PRKAG2: variants seen among roughly 807,000 people sequenced by gnomAD.
PRKAG2 encodes the protein protein kinase AMP-activated non-catalytic subunit gamma 2, also known as 5'-AMP-activated protein kinase subunit gamma-2.
PRKAG2 carries 26 observed loss-of-function variants against 69.6 expected under a neutral mutation model. That is an observed-to-expected ratio of 0.37 (90% CI 0.27 to 0.52). The LOEUF (loss-of-function observed/expected upper bound fraction) is 0.52. PRKAG2 is among the 20% of genes least tolerant of loss of function. PRKAG2 has a pLI of 0.90. For synonymous variants in PRKAG2, 293 were observed against 285.0 expected (o/e 1.03, Z -0.28); for missense variants, 557 against 740.0 (o/e 0.75, Z 2.87).
rs993536801 is a variant in PRKAG2 at position 151,818,212 on chromosome 7, A to G, written c.115-31671T>C. Among the ~76,000 whole-genome samples the G allele has an allele frequency of 2.0e-5, 3 of 152,204 alleles. No homozygotes were observed. In the South Asian group the frequency reaches 6.2e-4, roughly 31 times the overall value. On this transcript the variant is annotated intron_variant, in intron 1 of 15. Transcript: ENST00000287878. ...ATGGCAAATGTGACAGGAAAATCTCAAATGATGCATGGTACTGCCTGAGCT... is the reference window on the plus strand; with the variant it reads ...ATGGCAAATGTGACAGGAAAATCTCGAATGATGCATGGTACTGCCTGAGCT...
intron 3 of PRKAG2, among the ~76,000 whole-genome samples, chr7:151,680,068 C>T (rs1314423435): frequency 6.6e-6 from 1 of 152,152 alleles, no homozygotes; most frequent in Non-Finnish European, 1.5e-5. Flanking sequence ...CACAACACAA[C>T]AAAATGAGCC....
intron 3 of PRKAG2, among the ~76,000 whole-genome samples, chr7:151,706,809 C>T (rs545011882): frequency 1.3e-5 from 2 of 152,374 alleles, no homozygotes; most frequent in South Asian, 4.1e-4. Context: ...TTCTGCTTCT[C>T]CAACCTGAGC....
chr7:151,669,988 TTGCA>T (rs1303083356), intron 4 of PRKAG2, among the ~76,000 whole-genome samples: 1 of 24,706 alleles, frequency 4.0e-5, no homozygotes, highest in East Asian at 1.4e-3. Context: ...GCACACACAC[TTGCA>T]TGCATACACA....
Position 151,574,878 on chromosome 7 carries a change from T to G in PRKAG2, c.1005+13A>C, listed in dbSNP as rs770683071. On this transcript the variant is annotated intron_variant, in intron 8 of 15. Coordinates refer to ENST00000287878, the MANE Select transcript of PRKAG2 (RefSeq NM_016203.4). ...CAGCTCCAACTACTGACATAGGAAC[T>G]GGTGCCACTTACCATAGGTGATTTA... 6.2e-7 allele frequency: 1 copy of G among 1,613,646 alleles called. No homozygotes were observed. The highest frequency in any genetic ancestry group is 1.3e-5 in the African/African-American group (1 of 75,050).
rs990521653 is a variant in PRKAG2, at chr7:151,807,549, C to G, written c.115-21008G>C. The G allele has an allele frequency of 2.2e-6, 1 of 457,740 alleles. No homozygotes were observed. The highest frequency in any genetic ancestry group is 2.0e-5 in the African/African-American group (1 of 50,084). The allele number at this position is 457,740 out of a possible 1,614,324, so 28.4% of individuals were successfully genotyped here. A position where few individuals can be genotyped will look rare whatever the true frequency, so the allele number is the denominator to read the frequency against. On this transcript the variant is annotated intron_variant, in intron 1 of 15. Transcript: ENST00000287878. This position sits in a 1 kb window ranked among gnomAD's most constrained non-coding sequence, Gnocchi z 4.4. ...ACGAGCTGAAATGGCCAGCACTGCG[C>G]CTTCCAGAACCCAGCGTAGATGCAC... is the stretch of plus-strand genomic sequence containing the variant.
At chr7:151,617,710 TAA>T (rs1820516934) in intron 5 of PRKAG2, among the ~76,000 whole-genome samples, 1 of 152,164 alleles carries the variant, frequency 6.6e-6, no homozygotes, top group Non-Finnish European at 1.5e-5. Flanking sequence ...TCTTAAAGAC[TAA>T]GTGTATAAGA....
intron 7 of PRKAG2, 110 bp from the exon 8 acceptor site, chr7:151,575,059 C>T (rs1445799311): frequency 1.7e-5 from 24 of 1,427,318 alleles, no homozygotes; most frequent in East Asian, 7.2e-5. Flanking sequence ...AAATATACTT[C>T]GAAGATATCA....
intron 1 of PRKAG2, among the ~76,000 whole-genome samples, chr7:151,818,397 G>A (rs1255506504): frequency 6.8e-6 from 1 of 147,618 alleles, no homozygotes; most frequent in Non-Finnish European, 1.5e-5. Context: ...GCCGCCCTCA[G>A]CCCTTCACCT....
Position 151,786,335 on chromosome 7 carries a change from G to A in PRKAG2, c.186+135C>T, listed in dbSNP as rs1054594680. 18 of 862,140 alleles carry A rather than the reference G, an allele frequency of 2.1e-5. No individual in the cohort carries two copies. In the East Asian group the frequency reaches 2.9e-4, roughly 14 times the overall value. The allele number at this position is 862,140 out of a possible 1,614,324, so 53.4% of individuals were successfully genotyped here. A position where few individuals can be genotyped will look rare whatever the true frequency, so the allele number is the denominator to read the frequency against. The stretch of plus-strand genomic sequence containing the variant: ...AGGTGAGCTGTCGCAGGATGGGCTC[G>A]GTTACGGCCAGGTGTGCAAGCGGAC... On this transcript the variant is annotated intron_variant, in intron 2 of 15. Transcript: ENST00000287878.
intron 3 of PRKAG2, among the ~76,000 whole-genome samples, chr7:151,706,371 C>T (rs1295242826): frequency 2.6e-5 from 4 of 152,220 alleles, no homozygotes; most frequent in Non-Finnish European, 5.9e-5. Flanking sequence ...AGGTCAGGCT[C>T]CTGCCTCGCC....
At chr7:151,871,182 G>A (rs933933875) in intron 1 of PRKAG2, among the ~76,000 whole-genome samples, 19 of 152,208 alleles carry the variant, frequency 1.2e-4, no homozygotes, top group African/African-American at 4.6e-4. Context: ...CACTAATAGG[G>A]AAGCTGCTTT....
At chr7:151,682,272 ACT>A (rs1004473532) in intron 3 of PRKAG2, among the ~76,000 whole-genome samples, 21 of 152,078 alleles carry the variant, frequency 1.4e-4, no homozygotes, top group African/African-American at 4.1e-4. Flanking sequence ...ACAAGGTCTC[ACT>A]CTGTGGCCCA....
Position 151,694,342 on chromosome 7 carries a change from C to T in PRKAG2, c.467-18705G>A, listed in dbSNP as rs145754496. On this transcript the variant is annotated intron_variant, in intron 3 of 15. Transcript: ENST00000287878. ...CAACCTAAAATTGACCATCTTCAAG[C>T]GCACAGTTCAGCAGCATTAACCACA... 2.7e-3 allele frequency among the ~76,000 whole-genome samples: 409 copies of T among 152,322 alleles called. 1 individual carries two copies. The highest frequency in any genetic ancestry group is 7.7e-3 in the African/African-American group (320 of 41,570).
chr7:151,656,650 G>A (rs1277920322), intron 4 of PRKAG2, among the ~76,000 whole-genome samples: 1 of 152,168 alleles, frequency 6.6e-6, no homozygotes, highest in Admixed American at 6.5e-5. Flanking sequence ...TTGAAGGATT[G>A]AATCCATTTA....
At chr7:151,633,140 A>G (rs867200108) in intron 4 of PRKAG2, 82 of 152,296 alleles carry the variant, frequency 5.4e-4, no homozygotes, top group African/African-American at 1.7e-3. Flanking sequence ...GCGCTCTTGC[A>G]AGCCGGGCCT....
intron 3 of PRKAG2, among the ~76,000 whole-genome samples, chr7:151,701,780 TTGCAGTGAGCCGAGATTGCGCCAC>T (rs1266353754): frequency 6.1e-5 from 9 of 148,668 alleles, no homozygotes; most frequent in Non-Finnish European, 1.0e-4. Context: ...GAAGCGGGGG[TTGCAGTGAGCCGAGATTGCGCCAC>T]TGCACTCCAG....
chr7:151,839,685 C>T (rs905810466), intron 1 of PRKAG2, among the ~76,000 whole-genome samples: 7 of 152,242 alleles, frequency 4.6e-5, no homozygotes, highest in Non-Finnish European at 7.3e-5. Context: ...GCCAGGGACA[C>T]CTGGTCCTGA....
chr7:151,722,411 A>C (rs1332205889), intron 3 of PRKAG2, among the ~76,000 whole-genome samples: 1 of 152,156 alleles, frequency 6.6e-6, no homozygotes, highest in Non-Finnish European at 1.5e-5. Flanking sequence ...CTTTCAGCCA[A>C]GGATGTCTTG....
chr7:151,635,688 G>A (rs191817618), intron 4 of PRKAG2, among the ~76,000 whole-genome samples: 112 of 152,210 alleles, frequency 7.4e-4, no homozygotes, highest in Non-Finnish European at 9.7e-4. Flanking sequence ...CAGGGGCTGG[G>A]GTAGGGGGCC....
Sources: gnomAD v4.1 joint callset for allele counts (sites outside exome capture counted in the v4.1 genomes callset) on GRCh38, gnomAD v4.1.1 for gene constraint, Gnocchi (gnomAD v3.1) non-coding constraint, MANE v1.5 for transcripts, NCBI Gene and HGNC (gene_info 2026-07-23, HGNC 2026-07-21) for gene names.